The following CORO6 variants were observed in gnomAD, a reference collection of about 807,000 sequenced individuals.
The protein encoded by CORO6 is coronin-6.
In CORO6, 43 loss-of-function variants were observed where a neutral mutation model predicts 49.0. The ratio of observed to expected loss-of-function variants is 0.88; its 90% confidence interval spans 0.69 to 1.13. The LOEUF is 1.13. Among genes scored for constraint, CORO6 ranks in the 50% most tolerant of loss-of-function variants. The pLI is 0.00. For missense variants in CORO6, 650 were observed against 647.0 expected (o/e 1.00, Z -0.05); for synonymous variants, 233 against 256.5 (o/e 0.91, Z 0.88).
At position 29,621,085 on chromosome 17, in the gene CORO6, C is replaced by T. The variant is rs1225179815; in HGVS notation, c.198+139G>A. ...TGGCCTCCCCTCTGGTCCTTGAGGGCTTGGGGAATAGGGAGGAGCCAATCC... is the reference window on the plus strand; with the variant it reads ...TGGCCTCCCCTCTGGTCCTTGAGGGTTTGGGGAATAGGGAGGAGCCAATCC... On this transcript the variant is annotated intron_variant, in intron 2 of 10. Transcript: ENST00000388767. This position sits in a 1 kb window ranked among gnomAD's most constrained non-coding sequence, Gnocchi z 4.2. 1 of 1,173,610 alleles carries T rather than the reference C, an allele frequency of 8.5e-7. No individual in the cohort carries two copies. The highest frequency in any genetic ancestry group is 1.2e-6 in the Non-Finnish European group (1 of 840,906). 72.7% of individuals were successfully genotyped at this position (1,173,610 alleles called of 1,614,324 possible).
Position 29,622,773 on chromosome 17 carries a change from A to T in CORO6, c.-149T>A. 2 of 1,320,814 alleles carry T rather than the reference A, an allele frequency of 1.5e-6. No homozygotes were observed. The highest frequency in any genetic ancestry group is 2.0e-6 in the Non-Finnish European group (2 of 1,000,334). 81.8% of individuals were successfully genotyped at this position (1,320,814 alleles called of 1,614,324 possible). On this transcript the variant is annotated 5_prime_UTR_variant, in exon 1 of 11. Coordinates refer to ENST00000388767, the MANE Select transcript of CORO6 (RefSeq NM_032854.4). ...TGCGTAGGGGGCCGAGGAAGGCTTC[A>T]GGGCGAAGGAGCCACCTCTCCGGGT...
At chr17:29,618,648 CG>C in intron 5 of CORO6, 141 bp downstream of exon 5, 3 of 1,433,438 alleles carry the variant, frequency 2.1e-6, no homozygotes, top group Middle Eastern at 2.6e-4. Context: ...GTTGCAGAGA[CG>C]GGGGAAGGGG....
rs1035311244 is a variant in CORO6, at chr17:29,621,473, T to C, written c.-52A>G. On this transcript the variant is annotated 5_prime_UTR_variant, in exon 2 of 11. Transcript: ENST00000388767. This position sits in a 1 kb window ranked among gnomAD's most constrained non-coding sequence, Gnocchi z 4.2. ...AGTGCCCAGAAATGCCTTTGGTCCT[T>C]AGTCCTGTGAGCTGCGGGAGGGAGG... The C allele has an allele frequency of 6.4e-7, 1 of 1,555,852 alleles. No individual in the cohort carries two copies. Among genetic ancestry groups the C allele is most frequent in the Non-Finnish European group, 8.7e-7 (1 of 1,148,518 alleles).
At chr17:29,617,285 C>T (rs1156544693) in intron 6 of CORO6, 3 of 1,531,564 alleles carry the variant, frequency 2.0e-6, no homozygotes, top group Non-Finnish European at 2.6e-6. Context: ...CCCCCAGGGA[C>T]TCGGCATCAC....
chr17:29,619,602 T>G, intron 3 of CORO6, 49 bp downstream of exon 3: 1 of 1,593,012 alleles, frequency 6.3e-7, no homozygotes, highest in South Asian at 1.1e-5. Context: ...TGAGGCAGCC[T>G]TCCCTGCTCC....
chr17:29,617,134 C>T (rs979003046), intron 6 of CORO6, 92 bp from the exon 7 acceptor site: 21 of 1,583,464 alleles, frequency 1.3e-5, no homozygotes, highest in Non-Finnish European at 1.7e-5. Context: ...CCTGGCCTTC[C>T]CAAACCCTAT....
chr17:29,617,943 C>T, intron 5 of CORO6: 2 of 1,006,828 alleles, frequency 2.0e-6, no homozygotes, highest in Non-Finnish European at 2.7e-6. Flanking sequence ...AATGGGAGCT[C>T]CCCGCTCCGC....
rs747131416 is a variant in CORO6, at chr17:29,617,080, C to A, written c.754-38G>T. On this transcript the variant is annotated intron_variant, in intron 6 of 10. Transcript: ENST00000388767. ...AGGAGGCGTGACCAGCCCTGCCCCACCCTCCCGTGCTACTTCGGGACCCCC... is the reference window on the plus strand; with the variant it reads ...AGGAGGCGTGACCAGCCCTGCCCCAACCTCCCGTGCTACTTCGGGACCCCC... The A allele has an allele frequency of 2.5e-6, 4 of 1,601,658 alleles. No homozygotes were observed. In the East Asian group the frequency reaches 8.9e-5, roughly 36 times the overall value.
At chr17:29,622,641 C>A (rs2035367658) in intron 1 of CORO6, 47 bp downstream of exon 1, 1 of 1,111,096 alleles carries the variant, frequency 9.0e-7, no homozygotes, top group Non-Finnish European at 1.1e-6. Context: ...AGGGACCCCG[C>A]CCGCTCCGCT....
Position 29,615,798 on chromosome 17 carries a change from C to G in CORO6, c.1353G>C (p.Gln451His), listed in dbSNP as rs748435441. Residue 451 changes from glutamine (Q) to histidine (H), a missense_variant, in exon 11 of 11, where the codon CAG (glutamine) becomes CAC (histidine). Gln to His is a conservative substitution (Grantham distance 24). Coordinates refer to ENST00000388767, the MANE Select transcript of CORO6 (RefSeq NM_032854.4). ...GAGCCGTGATGCGCTGCTCCTGGGC[C>G]TGCACCCGCTCGCGGAGGGCCTTGA... Reference protein sequence around the residue: ...EEIKALRERVQAQEQRITALE... With the variant: ...EEIKALRERVHAQEQRITALE... The G allele has an allele frequency of 1.3e-6, 2 of 1,566,646 alleles. No individual in the cohort carries two copies. The highest frequency in any genetic ancestry group is 1.7e-6 in the Non-Finnish European group (2 of 1,156,552).
chr17:29,618,388 G>A, intron 5 of CORO6: 2 of 1,285,792 alleles, frequency 1.6e-6, no homozygotes, highest in Non-Finnish European at 2.0e-6. Flanking sequence ...AAGGAGAAAG[G>A]GCCAGCCCTC....
chr17:29,619,172 G>C lies in CORO6; in HGVS notation c.339C>G (p.Asp113Glu), dbSNP rs1364935940. 2.5e-6 allele frequency: 4 copies of C among 1,613,686 alleles called. No individual in the cohort carries two copies. Among genetic ancestry groups the C allele is most frequent in the Non-Finnish European group, 2.5e-6 (3 of 1,179,948 alleles). ...CCGTAATGTTGCGCATGGGGGTATA[G>C]TCTGGAATCTGCCACACCTGGGTAG... The part of the protein sequence containing the change: ...DTTIMVWQIP[D>E]YTPMRNITEP... The change falls in exon 4 of 11, where the codon GAC becomes GAG. Residue 113 changes from aspartate (D) to glutamate (E), a missense_variant. Coordinates refer to ENST00000388767, the MANE Select transcript of CORO6 (RefSeq NM_032854.4).
rs1161173416 is a variant in CORO6, at chr17:29,619,099, A to G, written c.412T>C (p.Ser138Pro). The change falls in exon 4 of 11, where the codon TCC becomes CCC. Residue 138 changes from serine to proline, a missense_variant. Coordinates refer to ENST00000388767, the MANE Select transcript of CORO6 (RefSeq NM_032854.4). ...EGHSKRVGIL[S>P]WHPTARNVLL... The stretch of plus-strand genomic sequence containing the variant: ...ACATTCCTGGCAGTAGGGTGCCAGG[A>G]GAGGATGCCCACACGCTTGGAGTGG... 1 of 1,613,704 alleles carries G rather than the reference A, an allele frequency of 6.2e-7. No homozygotes were observed.
In CORO6 at chr17:29,622,856, C is replaced by G. The variant is rs1314579746; in HGVS notation, c.-232G>C. The G allele has an allele frequency of 7.7e-7, 1 of 1,300,800 alleles. No homozygotes were observed. The highest frequency in any genetic ancestry group is 2.3e-5 in the Admixed American group (1 of 43,456). 80.6% of individuals were successfully genotyped at this position (1,300,800 alleles called of 1,614,324 possible). A position where few individuals can be genotyped will look rare whatever the true frequency, so the allele number is the denominator to read the frequency against. On this transcript the variant is annotated 5_prime_UTR_variant, in exon 1 of 11. Transcript: ENST00000388767. ...CCGCACTCTGGCCGATCCTGCGGCTCTCTAGAGCCCGGCGCCGCTGCAGCC... is the reference window on the plus strand; with the variant it reads ...CCGCACTCTGGCCGATCCTGCGGCTGTCTAGAGCCCGGCGCCGCTGCAGCC...
rs767457231 is a variant in CORO6 at position 29,621,365 on chromosome 17, T to C, written c.57A>G (p.Ala19=). ...TGTCCTCGTAGGCCTGGTCGGCCTT[T>C]GCTGCCTGCCCAAACACATGGCGGA... The part of the protein sequence containing the change: ...SKFRHVFGQA[A]KADQAYEDIR... Residue 19 remains alanine, a synonymous_variant, in exon 2 of 11, where the codon GCA becomes GCG. Transcript: ENST00000388767. The surrounding 1 kb of genome is among the most constrained non-coding windows in gnomAD (Gnocchi z 4.2). The C allele has an allele frequency of 6.2e-7, 1 of 1,614,130 alleles. No individual in the cohort carries two copies. Among genetic ancestry groups the C allele is most frequent in the South Asian group, 1.1e-5 (1 of 91,072 alleles).
intron 5 of CORO6, chr17:29,618,221 C>T: frequency 7.6e-7 from 1 of 1,323,774 alleles, no homozygotes; most frequent in South Asian, 2.0e-5. Context: ...CGACCGCTCT[C>T]GGCGCGCTTG....
chr17:29,620,856 G>A (rs1333468317), intron 2 of CORO6, among the ~76,000 whole-genome samples: 3 of 152,158 alleles, frequency 2.0e-5, no homozygotes, highest in Non-Finnish European at 4.4e-5. Context: ...GGCTAGGGAG[G>A]AGGTTCTCCA....
At chr17:29,619,533 A>T (rs2035198012) in intron 3 of CORO6, 118 bp downstream of exon 3, 1 of 976,182 alleles carries the variant, frequency 1.0e-6, no homozygotes. Flanking sequence ...TGGGCAGGGC[A>T]GGGCCCTGGG....
intron 5 of CORO6, 200 bp from the exon 6 acceptor site, chr17:29,617,819 G>C (rs1598638493): frequency 4.3e-6 from 3 of 700,410 alleles, no homozygotes; most frequent in Non-Finnish European, 2.3e-6. Flanking sequence ...GGCCTGGAGA[G>C]AGCAGGAGGC....
Sources: allele counts gnomAD v4.1 joint callset (sites outside exome capture counted in the v4.1 genomes callset), GRCh38; gene constraint gnomAD v4.1.1; non-coding constraint Gnocchi (gnomAD v3.1); transcripts MANE v1.5; gene names NCBI Gene and HGNC (gene_info 2026-07-23, HGNC 2026-07-21).